Variants in KIAA0825 observed in about 807,000 individuals in gnomAD.
KIAA0825 encodes uncharacterized protein KIAA0825.
KIAA0825 carries 119 observed loss-of-function variants against 147.6 expected under a neutral mutation model. The observed-to-expected ratio is 0.81, with a 90% CI of 0.69 to 0.94. KIAA0825 has a LOEUF of 0.94. KIAA0825 is among the 40% of genes least tolerant of loss of function. The probability of loss-of-function intolerance (pLI) is 0.00; values close to 1 mark genes in which losing one functional copy is unlikely to be tolerated. For synonymous variants in KIAA0825, 470 were observed against 518.1 expected (o/e 0.91, Z 1.26); for missense variants, 1,381 against 1,472.7 (o/e 0.94, Z 1.02).
chr5:94,299,012 C>T (rs184782359), intron 20 of KIAA0825, among the ~76,000 whole-genome samples: 9 of 152,234 alleles, frequency 5.9e-5, no homozygotes, highest in African/African-American at 1.7e-4. Context: ...AACTCAGTTG[C>T]AGGAACTCAC....
intron 1 of KIAA0825, among the ~76,000 whole-genome samples, chr5:94,589,878 G>T (rs1206797687): frequency 6.6e-6 from 1 of 150,564 alleles, no homozygotes; most frequent in African/African-American, 2.4e-5. Flanking sequence ...AACAGCAAAT[G>T]CATGAAATAA....
At chr5:94,290,580 G>A (rs972843025) in intron 20 of KIAA0825, among the ~76,000 whole-genome samples, 1 of 152,140 alleles carries the variant, frequency 6.6e-6, no homozygotes, top group Non-Finnish European at 1.5e-5. Context: ...TGTAAATAGT[G>A]CTGCAATAAA....
intron 20 of KIAA0825, among the ~76,000 whole-genome samples, chr5:94,288,601 C>G (rs368682815): frequency 3.3e-5 from 5 of 152,160 alleles, no homozygotes; most frequent in Non-Finnish European, 5.9e-5. Context: ...TAGCACCAAA[C>G]CTGAGATGCT....
chr5:94,378,393 A>G (rs10476605), intron 20 of KIAA0825, among the ~76,000 whole-genome samples: 18,623 of 152,144 alleles, frequency 0.12, 1,204 homozygotes, highest in Middle Eastern at 0.15. Context: ...GCTTAGGATA[A>G]TGGTCTCCAG....
chr5:94,437,075 T>C (rs1302834733), intron 14 of KIAA0825, among the ~76,000 whole-genome samples: 1 of 152,216 alleles, frequency 6.6e-6, no homozygotes, highest in Admixed American at 6.5e-5. Context: ...GCTTGAAATA[T>C]ATAATTCAGA....
chr5:94,274,541 G>T (rs1032349801), intron 20 of KIAA0825, among the ~76,000 whole-genome samples: 6 of 152,084 alleles, frequency 3.9e-5, no homozygotes, highest in Non-Finnish European at 7.4e-5. Flanking sequence ...GGAGCTTACA[G>T]AATAGCAAGT....
Position 94,499,585 on chromosome 5 carries a change from TGGG to T in KIAA0825, c.971-14658_971-14656del, listed in dbSNP as rs34401680. On this transcript the variant is annotated intron_variant, in intron 5 of 20. Transcript: ENST00000682413. The stretch of plus-strand genomic sequence containing the variant: ...TATATTCATATTTTATTTCCCAATC[TGGG>T]GGGGGGGGGGGACCAAGGGTCTTAC... Among the ~76,000 whole-genome samples the T allele has an allele frequency of 2.6e-3, 183 of 69,746 alleles. 1 individual carries two copies. Among genetic ancestry groups the T allele is most frequent in the East Asian group, 9.4e-3 (18 of 1,910 alleles). 45.8% of individuals were successfully genotyped at this position (69,746 alleles called of 152,430 possible). A position where few individuals can be genotyped will look rare whatever the true frequency, so the allele number is the denominator to read the frequency against.
chr5:94,610,791 A>G (rs1227512584), intron 1 of KIAA0825, among the ~76,000 whole-genome samples: 17 of 137,212 alleles, frequency 1.2e-4, no homozygotes, highest in Non-Finnish European at 9.2e-5. Context: ...AAAAAAGTAT[A>G]TATATATATA....
At chr5:94,583,016 G>C (rs75213431) in intron 1 of KIAA0825, among the ~76,000 whole-genome samples, 1 of 152,042 alleles carries the variant, frequency 6.6e-6, no homozygotes, top group South Asian at 2.1e-4. Flanking sequence ...CATTCTTCTG[G>C]GTGATCCTGT....
At chr5:94,347,370 A>G (rs1030396076) in intron 20 of KIAA0825, among the ~76,000 whole-genome samples, 9 of 152,138 alleles carry the variant, frequency 5.9e-5, no homozygotes, top group Non-Finnish European at 1.5e-5. Context: ...ACATTAAATC[A>G]CCAAAGCTAA....
intron 2 of KIAA0825, among the ~76,000 whole-genome samples, chr5:94,571,070 G>A (rs935488521): frequency 6.6e-6 from 1 of 152,184 alleles, no homozygotes; most frequent in Non-Finnish European, 1.5e-5. Flanking sequence ...TTTTGGGGAT[G>A]TAATTATGAA....
At chr5:94,193,028 T>C (rs1770816569) in intron 20 of KIAA0825, among the ~76,000 whole-genome samples, 2 of 152,172 alleles carry the variant, frequency 1.3e-5, no homozygotes, top group South Asian at 4.1e-4. Context: ...ATTAAAATGG[T>C]TTCTATAATA....
chr5:94,413,369 C>T (rs893368987), intron 15 of KIAA0825: 1 of 152,066 alleles, frequency 6.6e-6, no homozygotes, highest in Non-Finnish European at 1.5e-5. Context: ...CTTTATTCAT[C>T]GTAGCCAAAA....
chr5:94,327,863 G>A (rs1780855514), intron 20 of KIAA0825, among the ~76,000 whole-genome samples: 1 of 151,992 alleles, frequency 6.6e-6, no homozygotes, highest in African/African-American at 2.4e-5. Flanking sequence ...AAAATTAGCT[G>A]GGCGTGGTGG....
intron 3 of KIAA0825, among the ~76,000 whole-genome samples, chr5:94,529,641 A>C (rs1432392868): frequency 6.6e-6 from 1 of 152,064 alleles, no homozygotes; most frequent in East Asian, 1.9e-4. Flanking sequence ...CAAGACTAGG[A>C]AAGTCAGAGG....
intron 20 of KIAA0825, among the ~76,000 whole-genome samples, chr5:94,205,299 A>ATATATATATATATATATATG (rs1254935243): frequency 7.3e-6 from 1 of 137,912 alleles, no homozygotes; most frequent in South Asian, 2.3e-4. Context: ...ATATATATAT[A>ATATATATATATATATATATG]TTTTGTTTTG....
intron 2 of KIAA0825, among the ~76,000 whole-genome samples, chr5:94,554,120 T>C (rs1231755442): frequency 6.6e-6 from 1 of 152,162 alleles, no homozygotes; most frequent in East Asian, 1.9e-4. Context: ...ATAGGAGAGA[T>C]CCCCTGTATA....
chr5:94,593,073 T>C (rs969870940), intron 1 of KIAA0825: 1 of 707,714 alleles, frequency 1.4e-6, no homozygotes, highest in Admixed American at 1.9e-5. Context: ...TTACTCTTCA[T>C]AATTTAGCTA....
Position 94,518,537 on chromosome 5 carries a change from C to G in KIAA0825, c.970+1711G>C, listed in dbSNP as rs537564895. ...ACATGGGTCCCAGAAATAGAAAGAT[C>G]TGCATATGACTTCTAAGTATCAATC... On this transcript the variant is annotated intron_variant, in intron 5 of 20. Transcript: ENST00000682413. Among the ~76,000 whole-genome samples the G allele has an allele frequency of 3.4e-4, 51 of 152,236 alleles. 1 individual carries two copies. Among genetic ancestry groups the G allele is most frequent in the Middle Eastern group, 6.8e-3 (2 of 294 alleles).
Sources: gnomAD v4.1 joint callset for allele counts (sites outside exome capture counted in the v4.1 genomes callset) on GRCh38, gnomAD v4.1.1 for gene constraint, MANE v1.5 for transcripts, NCBI Gene and HGNC (gene_info 2026-07-23, HGNC 2026-07-21) for gene names.